The following LRRC7 variants were observed in gnomAD, a reference collection of about 807,000 sequenced individuals.
LRRC7 encodes leucine rich repeat containing 7, also known as leucine-rich repeat-containing protein 7.
LRRC7 carries 23 observed loss-of-function variants against 175.7 expected under a neutral mutation model. The ratio of observed to expected loss-of-function variants is 0.13; its 90% confidence interval spans 0.09 to 0.19. LRRC7 has a LOEUF of 0.19. LRRC7 is among the 10% of genes least tolerant of loss of function. LRRC7 has a pLI of 1.00. For synonymous variants in LRRC7, 685 were observed against 680.9 expected (o/e 1.01, Z -0.09); for missense variants, 1,354 against 1,904.7 (o/e 0.71, Z 5.38).
At chr1:69,782,505 G>T (rs1326870675) in intron 3 of LRRC7, among the ~76,000 whole-genome samples, 4 of 152,192 alleles carry the variant, frequency 2.6e-5, no homozygotes, top group Admixed American at 2.6e-4. Context: ...CTGGAGACTG[G>T]TATTTGTAAA....
intron 7 of LRRC7, among the ~76,000 whole-genome samples, chr1:69,868,817 G>A (rs772222843): frequency 3.9e-4 from 59 of 151,882 alleles, no homozygotes; most frequent in African/African-American, 5.6e-4. Context: ...TTCTGAAGGC[G>A]CTCTCCTTGG....
At chr1:69,892,714 C>T (rs1190675885) in intron 7 of LRRC7, among the ~76,000 whole-genome samples, 1 of 152,128 alleles carries the variant, frequency 6.6e-6, no homozygotes, top group Non-Finnish European at 1.5e-5. Context: ...ACCCTTGTAA[C>T]AACTGAGTGA....
rs755894483 is a variant in LRRC7, at chr1:70,131,251, A to G, written c.*9364A>G. On this transcript the variant is annotated 3_prime_UTR_variant, in exon 27 of 27. Transcript: ENST00000651989. ...CTGCCATGATCTTTGGCTTCATTAG[A>G]TCCTTCCCCTGAAGGGACAAAAAAT... 1.3e-5 allele frequency among the ~76,000 whole-genome samples: 2 copies of G among 152,198 alleles called. No homozygotes were observed. Among genetic ancestry groups the G allele is most frequent in the Non-Finnish European group, 2.9e-5 (2 of 68,034 alleles).
intron 3 of LRRC7, among the ~76,000 whole-genome samples, chr1:69,769,290 T>C (rs1671961290): frequency 2.0e-5 from 3 of 152,164 alleles, no homozygotes; most frequent in Admixed American, 2.0e-4. Flanking sequence ...TCTCCTACAA[T>C]TGTGGTGATG....
Position 69,691,846 on chromosome 1 carries a change from T to TA in LRRC7, c.100+13370dup, listed in dbSNP as rs546387427. Among the ~76,000 whole-genome samples the TA allele has an allele frequency of 9.3e-3, 1,376 of 148,050 alleles. 20 individuals are homozygous for TA. Among genetic ancestry groups the TA allele is most frequent in the Non-Finnish European group, 0.013 (840 of 66,920 alleles). The stretch of plus-strand genomic sequence containing the variant: ...AGAAAAGAAAAGAAGCAACTTGATT[T>TA]AAGCCACAGTAGTTGTAGTTGACAG... On this transcript the variant is annotated intron_variant, in intron 2 of 26. Transcript: ENST00000651989.
intron 1 of LRRC7, among the ~76,000 whole-genome samples, chr1:69,652,411 T>A (rs565366849): frequency 6.6e-6 from 1 of 152,126 alleles, no homozygotes; most frequent in East Asian, 1.9e-4. Flanking sequence ...CAAAAATAAT[T>A]AGGGAAGCAA....
intron 23 of LRRC7, 115 bp downstream of exon 23, chr1:70,053,260 A>G (rs1660880361): frequency 2.0e-6 from 2 of 988,080 alleles, no homozygotes; most frequent in Middle Eastern, 2.3e-4. Context: ...CTTTAAGGTA[A>G]ATATTATGCT....
intron 7 of LRRC7, among the ~76,000 whole-genome samples, chr1:69,905,922 G>C (rs896343752): frequency 4.2e-4 from 64 of 152,280 alleles, no homozygotes; most frequent in Non-Finnish European, 5.0e-4. Flanking sequence ...AGCACCTGTT[G>C]TTTCCTGACT....
intron 1 of LRRC7, among the ~76,000 whole-genome samples, chr1:69,599,560 TCAGGGAGTCA>T (rs1646971521): frequency 6.6e-6 from 1 of 152,194 alleles, no homozygotes; most frequent in African/African-American, 2.4e-5. Flanking sequence ...ATAATATTCA[TCAGGGAGTCA>T]CATGTGACAA....
intron 2 of LRRC7, among the ~76,000 whole-genome samples, chr1:69,744,734 A>G (rs1369687135): frequency 1.3e-5 from 2 of 151,854 alleles, no homozygotes; most frequent in Non-Finnish European, 2.9e-5. Flanking sequence ...ACTCAATGGA[A>G]GTGCTACCAT....
At chr1:69,701,411 G>T (rs1299018082) in intron 2 of LRRC7, among the ~76,000 whole-genome samples, 1 of 152,146 alleles carries the variant, frequency 6.6e-6, no homozygotes, top group African/African-American at 2.4e-5. Flanking sequence ...CACACACTGA[G>T]CCCAGTGCCT....
chr1:69,781,713 AAGAAAGAAAGAAAGAAAGAAAGAGAG>A (rs1557719193), intron 3 of LRRC7, among the ~76,000 whole-genome samples: 2 of 31,054 alleles, frequency 6.4e-5, no homozygotes, highest in African/African-American at 2.0e-4. Flanking sequence ...GAAAGAAAGA[AAGAAAGAAAGAAAGAAAGAAAGAGAG>A]AGAGAGAGAG....
intron 1 of LRRC7, among the ~76,000 whole-genome samples, chr1:69,614,680 C>A (rs543186432): frequency 4.6e-5 from 7 of 152,110 alleles, no homozygotes; most frequent in African/African-American, 1.4e-4. Flanking sequence ...ATTTACTTAT[C>A]GTGGCTCTCC....
chr1:69,714,131 A>AT (rs1176045382), intron 2 of LRRC7, among the ~76,000 whole-genome samples: 4 of 152,076 alleles, frequency 2.6e-5, no homozygotes, highest in Admixed American at 2.0e-4. Flanking sequence ...CCGGAATGAG[A>AT]TTCTCCTTCT....
At chr1:69,774,919 A>T (rs1672649105) in intron 3 of LRRC7, among the ~76,000 whole-genome samples, 1 of 150,896 alleles carries the variant, frequency 6.6e-6, no homozygotes, top group Non-Finnish European at 1.5e-5. Context: ...TGTAGAAGAA[A>T]ATACAAGAAG....
At chr1:69,726,056 G>A (rs1042866896) in intron 2 of LRRC7, among the ~76,000 whole-genome samples, 2 of 152,274 alleles carry the variant, frequency 1.3e-5, no homozygotes, top group South Asian at 4.1e-4. Context: ...CAGCAGAAGA[G>A]AGTAAAATTC....
In LRRC7 at chr1:69,772,850, T is replaced by C. The variant is rs1012313374; in HGVS notation, c.303+12457T>C. ...TTTGAAGATACAGGAAGAAAATTTA[T>C]GTTGTCATGAAAGCCAAGAAAAGAA... On this transcript the variant is annotated intron_variant, in intron 3 of 26. Transcript: ENST00000651989. 2.6e-5 allele frequency among the ~76,000 whole-genome samples: 4 copies of C among 152,128 alleles called. No homozygotes were observed. The South Asian group carries it at 6.2e-4, about 24-fold the overall frequency.
At chr1:69,709,752 T>C (rs1421457804) in intron 2 of LRRC7, among the ~76,000 whole-genome samples, 1 of 152,206 alleles carries the variant, frequency 6.6e-6, no homozygotes, top group Non-Finnish European at 1.5e-5. Flanking sequence ...ATGACTTCAC[T>C]TCTGTTTCAG....
intron 1 of LRRC7, among the ~76,000 whole-genome samples, chr1:69,620,571 G>A (rs1650404531): frequency 6.6e-6 from 1 of 152,142 alleles, no homozygotes; most frequent in Admixed American, 6.5e-5. Context: ...CGTGCTGCAA[G>A]GGAGCTGGAC....
Sources: allele counts gnomAD v4.1 joint callset (sites outside exome capture counted in the v4.1 genomes callset), GRCh38; gene constraint gnomAD v4.1.1; transcripts MANE v1.5; gene names NCBI Gene and HGNC (gene_info 2026-07-23, HGNC 2026-07-21).